MCTP1: variants seen among roughly 807,000 people sequenced by gnomAD.
MCTP1 encodes the protein multiple C2 and transmembrane domain containing 1.
In MCTP1, 69 loss-of-function variants were observed where a neutral mutation model predicts 120.6. The ratio of observed to expected loss-of-function variants is 0.57; its 90% CI spans 0.47 to 0.70. The LOEUF (loss-of-function observed/expected upper bound fraction) is 0.70, where lower values mean the gene tolerates loss of function less well. MCTP1 is among the 30% of genes least tolerant of loss of function. MCTP1 has a pLI of 0.00. For missense variants in MCTP1, 1,203 were observed against 1,248.8 expected (o/e 0.96, Z 0.55); for synonymous variants, 529 against 493.1 (o/e 1.07, Z -0.96).
At chr5:94,985,462 AAAGGCCTTGTCG>A in intron 2 of MCTP1, among the ~76,000 whole-genome samples, 1 of 152,262 alleles carries the variant, frequency 6.6e-6, no homozygotes, top group East Asian at 1.9e-4. Flanking sequence ...TATAGCGATC[AAAGGCCTTGTCG>A]AAAGAACTGG....
chr5:95,167,209 T>G (rs1746519827), intron 1 of MCTP1, among the ~76,000 whole-genome samples: 2 of 152,214 alleles, frequency 1.3e-5, no homozygotes, highest in African/African-American at 4.8e-5. Flanking sequence ...GTTTCCAGCT[T>G]CATCCATGTC....
At chr5:95,134,608 C>T (rs1341510983) in intron 1 of MCTP1, among the ~76,000 whole-genome samples, 3 of 152,144 alleles carry the variant, frequency 2.0e-5, no homozygotes, top group Admixed American at 1.3e-4. Context: ...CACAGGTCTC[C>T]AGCAGGCTAG....
In MCTP1 at chr5:94,804,584, G is replaced by A. The variant is rs62365729; in HGVS notation, c.2437-5452C>T. ...CTCCCGAGTAGCTGGGACTACAGGC[G>A]CCCGCCACCACGCCCGGCTAATTTT... On this transcript the variant is annotated intron_variant, in intron 17 of 22. Transcript: ENST00000515393. Among the ~76,000 whole-genome samples the A allele has an allele frequency of 3.0e-3, 451 of 151,972 alleles. 2 individuals are homozygous for A. The highest frequency in any genetic ancestry group is 4.7e-3 in the Non-Finnish European group (317 of 67,948).
At chr5:95,153,223 G>A (rs1744728809) in intron 1 of MCTP1, among the ~76,000 whole-genome samples, 1 of 152,084 alleles carries the variant, frequency 6.6e-6, no homozygotes. Flanking sequence ...GTTTAAAAAT[G>A]TTTGGCATTC....
intron 19 of MCTP1, among the ~76,000 whole-genome samples, chr5:94,719,927 C>T (rs1402358432): frequency 1.3e-5 from 2 of 151,990 alleles, no homozygotes; most frequent in East Asian, 1.9e-4. Context: ...GTCAGGTGTT[C>T]GAGACCAGCC....
At chr5:94,814,583 G>A (rs773528153) in intron 17 of MCTP1, among the ~76,000 whole-genome samples, 4 of 152,094 alleles carry the variant, frequency 2.6e-5, no homozygotes, top group Admixed American at 1.3e-4. Flanking sequence ...AGGCTATCAC[G>A]CAACTATAAT....
intron 1 of MCTP1, among the ~76,000 whole-genome samples, chr5:95,145,785 G>A (rs557452830): frequency 6.6e-6 from 1 of 152,144 alleles, no homozygotes; most frequent in Non-Finnish European, 1.5e-5. Context: ...GCTGAATTCA[G>A]TTTGCTAGTA....
intron 1 of MCTP1, among the ~76,000 whole-genome samples, chr5:95,067,189 A>T (rs2152176183): frequency 6.6e-6 from 1 of 152,326 alleles, no homozygotes; most frequent in Admixed American, 6.5e-5. Context: ...AGTTATACAC[A>T]GCTGGAATAA....
In MCTP1 at chr5:95,071,363, T is replaced by C. The variant is rs576058313; in HGVS notation, c.721-53879A>G. ...CAGATGCTGTGCTGGGTACTTTACA[T>C]ACATTTTCTCTAATCCTCACAAACT... On this transcript the variant is annotated intron_variant, in intron 1 of 22. Coordinates refer to ENST00000515393, the MANE Select transcript of MCTP1 (RefSeq NM_024717.7). Among the ~76,000 whole-genome samples the C allele has an allele frequency of 1.3e-3, 191 of 152,306 alleles. 6 individuals carry two copies. In the South Asian group the frequency reaches 0.029, roughly 23 times the overall value.
chr5:95,164,240 G>A lies in MCTP1; in HGVS notation c.720+119616C>T, dbSNP rs376608626. Among the ~76,000 whole-genome samples, 15 of 152,084 alleles carry A rather than the reference G, an allele frequency of 9.9e-5. No homozygotes were observed. In the South Asian group the frequency reaches 1.2e-3, roughly 13 times the overall value. On this transcript the variant is annotated intron_variant, in intron 1 of 22. Transcript: ENST00000515393. ...TATTTGCCTTAGTTAAGAAAATGAT[G>A]TAAACAATTGAACTCACTTTTAATT...
At chr5:95,073,672 C>G (rs1285161075) in intron 1 of MCTP1, among the ~76,000 whole-genome samples, 1 of 152,176 alleles carries the variant, frequency 6.6e-6, no homozygotes, top group Non-Finnish European at 1.5e-5. Flanking sequence ...GAGGGAAGGG[C>G]AGGAATATGG....
In MCTP1 at chr5:94,704,447, C is replaced by G. The variant is rs999061368; in HGVS notation, c.*3049G>C. 4 of 151,310 alleles carry G rather than the reference C, an allele frequency of 2.6e-5. No individual in the cohort carries two copies. The highest frequency in any genetic ancestry group is 5.9e-5 in the Non-Finnish European group (4 of 67,622). 9.4% of individuals were successfully genotyped at this position (151,310 alleles called of 1,614,324 possible). A position where few individuals can be genotyped will look rare whatever the true frequency, so the allele number is the denominator to read the frequency against. ...CGCTGAAATTACTGCCTTTGAATAA[C>G]ATTAATACAAATGTAGACTACTTTG... On this transcript the variant is annotated 3_prime_UTR_variant, in exon 23 of 23. Coordinates refer to ENST00000515393, the MANE Select transcript of MCTP1 (RefSeq NM_024717.7).
chr5:95,063,945 C>T (rs1260030315), intron 1 of MCTP1, among the ~76,000 whole-genome samples: 4 of 152,212 alleles, frequency 2.6e-5, no homozygotes, highest in South Asian at 2.1e-4. Flanking sequence ...TCCTTATCTC[C>T]ATCTTCCAGT....
intron 1 of MCTP1, among the ~76,000 whole-genome samples, chr5:95,119,676 G>A (rs1359895447): frequency 6.6e-6 from 1 of 152,094 alleles, no homozygotes; most frequent in Non-Finnish European, 1.5e-5. Context: ...AATCAACAAT[G>A]AAAAGGGAAA....
chr5:94,769,152 C>T (rs1053620874), intron 19 of MCTP1, among the ~76,000 whole-genome samples: 1 of 152,122 alleles, frequency 6.6e-6, no homozygotes, highest in Non-Finnish European at 1.5e-5. Context: ...AAAAATATCA[C>T]ATATTCTCAC....
chr5:95,008,136 A>G (rs1392790621), intron 2 of MCTP1, among the ~76,000 whole-genome samples: 12 of 152,154 alleles, frequency 7.9e-5, no homozygotes, highest in African/African-American at 2.9e-4. Context: ...AACAACTTCA[A>G]AAAGACCTCA....
At chr5:94,936,238 G>GA (rs34826731) in intron 5 of MCTP1, among the ~76,000 whole-genome samples, 43,902 of 151,290 alleles carry the variant, frequency 0.29, 7,073 homozygotes, top group South Asian at 0.44. Flanking sequence ...ATTGAGGTAA[G>GA]AAAAAAAACC....
intron 2 of MCTP1, among the ~76,000 whole-genome samples, chr5:95,006,097 A>G (rs1834689104): frequency 6.6e-6 from 1 of 152,136 alleles, no homozygotes; most frequent in Non-Finnish European, 1.5e-5. Context: ...CATGGGGAGA[A>G]TGTGCAAACT....
rs6880049 is a variant in MCTP1 at position 94,829,842 on chromosome 5, G to T, written c.2437-30710C>A. ...CTCAGAATGAGTTTTTTTCTTGAAGGTTCAGCCCTGAGTATTAGCAACACA... is the reference window on the plus strand; with the variant it reads ...CTCAGAATGAGTTTTTTTCTTGAAGTTTCAGCCCTGAGTATTAGCAACACA... On this transcript the variant is annotated intron_variant, in intron 17 of 22. Transcript: ENST00000515393. 1.8e-3 allele frequency among the ~76,000 whole-genome samples: 267 copies of T among 152,230 alleles called. 1 individual carries two copies. The highest frequency in any genetic ancestry group is 5.5e-3 in the African/African-American group (228 of 41,538).
Sources: allele counts gnomAD v4.1 joint callset (sites outside exome capture counted in the v4.1 genomes callset), GRCh38; gene constraint gnomAD v4.1.1; transcripts MANE v1.5; gene names NCBI Gene and HGNC (gene_info 2026-07-23, HGNC 2026-07-21).